The following LPP variants were observed in gnomAD, a reference collection of about 807,000 sequenced individuals.
LPP encodes lipoma-preferred partner.
A neutral mutation model predicts 60.4 loss-of-function variants in LPP; 38 were observed. That is an observed-to-expected ratio of 0.63 (90% CI 0.49 to 0.83). The LOEUF (loss-of-function observed/expected upper bound fraction) is 0.83. LPP is among the 40% of genes least tolerant of loss of function. LPP has a pLI of 0.00. For synonymous variants in LPP, 328 were observed against 290.8 expected (o/e 1.13, Z -1.30); for missense variants, 902 against 783.6 (o/e 1.15, Z -1.80).
chr3:188,385,838 A>C (rs181822225), intron 3 of LPP, among the ~76,000 whole-genome samples: 4 of 152,184 alleles, frequency 2.6e-5, no homozygotes, highest in African/African-American at 9.6e-5. Flanking sequence ...TAAAGTCTGC[A>C]TTAGAAATAT....
chr3:188,688,810 A>G (rs564264103), intron 7 of LPP: 8 of 529,310 alleles, frequency 1.5e-5, no homozygotes, highest in East Asian at 5.5e-5. Context: ...CTCACAGTCT[A>G]TTGAGTTACC....
intron 6 of LPP, among the ~76,000 whole-genome samples, chr3:188,583,762 T>C (rs1467678833): frequency 6.6e-6 from 1 of 152,220 alleles, no homozygotes; most frequent in Non-Finnish European, 1.5e-5. Flanking sequence ...CCAGTGCACA[T>C]ACAACAAAGT....
intron 9 of LPP, among the ~76,000 whole-genome samples, chr3:188,795,770 G>A (rs1745157283): frequency 6.6e-6 from 1 of 152,068 alleles, no homozygotes; most frequent in South Asian, 2.1e-4. Context: ...TTTCCAAATC[G>A]AATTTTGTGG....
chr3:188,425,865 GTCTA>G (rs1210992168), intron 4 of LPP, among the ~76,000 whole-genome samples: 1 of 152,000 alleles, frequency 6.6e-6, no homozygotes, highest in African/African-American at 2.4e-5. Context: ...CTGGCTAGTG[GTCTA>G]TCTATTTTGT....
chr3:188,677,292 T>C (rs1242387322), intron 7 of LPP, among the ~76,000 whole-genome samples: 2 of 152,244 alleles, frequency 1.3e-5, no homozygotes, highest in Non-Finnish European at 2.9e-5. Context: ...ACTTTTAGAA[T>C]CTAACATTTT....
At chr3:188,641,329 G>A (rs577873490) in intron 7 of LPP, among the ~76,000 whole-genome samples, 34 of 152,298 alleles carry the variant, frequency 2.2e-4, no homozygotes, top group Admixed American at 6.5e-4. Context: ...TAGAGAAGAG[G>A]ACACATGCAT....
At chr3:188,345,382 A>G (rs1764058954) in intron 3 of LPP, among the ~76,000 whole-genome samples, 2 of 152,086 alleles carry the variant, frequency 1.3e-5, no homozygotes, top group South Asian at 4.1e-4. Flanking sequence ...TTCTTCCTGT[A>G]AGAGGTTGTT....
chr3:188,394,771 T>C (rs1456688098), intron 3 of LPP, among the ~76,000 whole-genome samples: 6 of 152,200 alleles, frequency 3.9e-5, no homozygotes, highest in African/African-American at 1.4e-4. Context: ...TGAAACAGCC[T>C]GGTTCATTTT....
At chr3:188,179,845 T>A (rs1263925253) in intron 1 of LPP, 1 of 269,690 alleles carries the variant, frequency 3.7e-6, no homozygotes, top group Non-Finnish European at 7.3e-6. Context: ...ATTTGACAGA[T>A]AATGGCACCT....
intron 8 of LPP, chr3:188,743,908 T>C (rs1296423238): frequency 6.6e-6 from 1 of 152,274 alleles, no homozygotes; most frequent in East Asian, 1.9e-4. Context: ...TCTGGTCTGG[T>C]CAGTCTGGTT....
intron 5 of LPP, among the ~76,000 whole-genome samples, chr3:188,504,977 A>G (rs572932774): frequency 2.6e-5 from 4 of 152,306 alleles, no homozygotes; most frequent in African/African-American, 9.6e-5. Flanking sequence ...AGCTTGGATC[A>G]TGTAAGCTGT....
intron 2 of LPP, among the ~76,000 whole-genome samples, chr3:188,309,024 T>C (rs1257825687): frequency 1.3e-5 from 1 of 79,230 alleles, no homozygotes; most frequent in Non-Finnish European, 2.5e-5. Context: ...TTCTTCTTCT[T>C]TTTTTTTTTT....
At chr3:188,681,151 C>T (rs967417150) in intron 7 of LPP, among the ~76,000 whole-genome samples, 2 of 152,144 alleles carry the variant, frequency 1.3e-5, no homozygotes, top group Non-Finnish European at 2.9e-5. Flanking sequence ...TGCACACCAC[C>T]ATGCCCAGCT....
In LPP at chr3:188,832,257, G is replaced by T. The variant is rs908828023; in HGVS notation, c.1411-33943G>T. Among the ~76,000 whole-genome samples the T allele has an allele frequency of 3.3e-5, 5 of 152,280 alleles. No homozygotes were observed. In the South Asian group the frequency reaches 8.3e-4, roughly 25 times the overall value. ...TCTCCTTGACAGCTTGAGGAAATAA[G>T]TGACCATATGAGAGAAGCTCATGAG... is the stretch of plus-strand genomic sequence containing the variant. On this transcript the variant is annotated intron_variant, in intron 9 of 11. Coordinates refer to ENST00000617246, the MANE Select transcript of LPP (RefSeq NM_001375462.1).
chr3:188,443,545 A>G (rs745986834), intron 4 of LPP, among the ~76,000 whole-genome samples: 2 of 152,238 alleles, frequency 1.3e-5, no homozygotes, highest in Non-Finnish European at 2.9e-5. Context: ...CTTAACAAAC[A>G]TGAAGGACTG....
rs188905640 is a variant in LPP at position 188,657,716 on chromosome 3, C to G, written c.1113+47872C>G. 3.9e-5 allele frequency among the ~76,000 whole-genome samples: 6 copies of G among 152,062 alleles called. No individual in the cohort carries two copies. The South Asian group carries it at 1.2e-3, about 32-fold the overall frequency. On this transcript the variant is annotated intron_variant, in intron 7 of 11. Coordinates refer to ENST00000617246, the MANE Select transcript of LPP (RefSeq NM_001375462.1). ...GAGCTAGTCCCCAAGCACACTAACC[C>G]GTTACATTCATCCCTCTGCTTTTAA...
chr3:188,601,725 GCAGT>G (rs1841211106), intron 6 of LPP, among the ~76,000 whole-genome samples: 1 of 152,072 alleles, frequency 6.6e-6, no homozygotes, highest in African/African-American at 2.4e-5. Flanking sequence ...ATTCTGTTGT[GCAGT>G]CAGATTTAAG....
intron 2 of LPP, among the ~76,000 whole-genome samples, chr3:188,299,151 C>G (rs1418531748): frequency 6.6e-6 from 1 of 152,204 alleles, no homozygotes; most frequent in African/African-American, 2.4e-5. Context: ...AGGGAGGCCA[C>G]TTTTCCTTCA....
At chr3:188,570,790 T>A (rs2150839241) in intron 6 of LPP, among the ~76,000 whole-genome samples, 1 of 152,018 alleles carries the variant, frequency 6.6e-6, no homozygotes, top group Middle Eastern at 3.4e-3. Flanking sequence ...GACGACATTG[T>A]ATGGTGGGTG....
Sources: allele counts gnomAD v4.1 joint callset (sites outside exome capture counted in the v4.1 genomes callset), GRCh38; gene constraint gnomAD v4.1.1; transcripts MANE v1.5; gene names NCBI Gene and HGNC (gene_info 2026-07-23, HGNC 2026-07-21).